Variants in PRPSAP2 observed in about 807,000 individuals in gnomAD.
PRPSAP2 encodes the protein phosphoribosyl pyrophosphate synthetase associated protein 2, also known as phosphoribosyl pyrophosphate synthase-associated protein 2.
PRPSAP2 carries 24 observed loss-of-function variants against 40.6 expected under a neutral mutation model. That is an observed-to-expected ratio of 0.59 (90% CI 0.43 to 0.83). The LOEUF is 0.83. PRPSAP2 is among the 40% of genes least tolerant of loss of function. The pLI, the probability that PRPSAP2 is intolerant of heterozygous loss-of-function variation, is 0.00. For missense variants in PRPSAP2, 292 were observed against 465.6 expected, an observed-to-expected ratio of 0.63 and a Z score of 3.43; for synonymous variants, 149 against 164.7, an observed-to-expected ratio of 0.90 and a Z score of 0.73.
chr17:18,900,164 C>T (rs2040179095), intron 8 of PRPSAP2, among the ~76,000 whole-genome samples: 1 of 151,820 alleles, frequency 6.6e-6, no homozygotes, highest in South Asian at 2.1e-4. Context: ...GGATTACAGG[C>T]GTGAGCCACC....
At chr17:18,903,453 G>A (rs2040404951) in intron 8 of PRPSAP2, among the ~76,000 whole-genome samples, 1 of 152,024 alleles carries the variant, frequency 6.6e-6, no homozygotes, top group Non-Finnish European at 1.5e-5. Flanking sequence ...TTGTGAGTGG[G>A]CTAGGCTCGA....
chr17:18,867,265 C>T lies in PRPSAP2; in HGVS notation c.120-17C>T. The T allele has an allele frequency of 6.2e-7, 1 of 1,613,310 alleles. No individual in the cohort carries two copies. The highest frequency in any genetic ancestry group is 8.5e-7 in the Non-Finnish European group (1 of 1,179,684). On this transcript the variant is annotated splice_polypyrimidine_tract_variant and intron_variant, in intron 3 of 11. Transcript: ENST00000268835. ...TTCTATTACTTTTTCAGCTTTTTCCCCCTTTCTCTTCTCTAGGCGGCTAGG... is the reference window on the plus strand; with the variant it reads ...TTCTATTACTTTTTCAGCTTTTTCCTCCTTTCTCTTCTCTAGGCGGCTAGG...
chr17:18,928,735 C>CT (rs528134793), intron 10 of PRPSAP2, 76 bp from the exon 11 acceptor site: 994 of 1,545,352 alleles, frequency 6.4e-4, no homozygotes, highest in East Asian at 9.3e-4. Flanking sequence ...TAGGCAGACC[C>CT]TTTTTTTTTC....
intron 8 of PRPSAP2, among the ~76,000 whole-genome samples, chr17:18,908,028 C>T (rs1292347592): frequency 1.3e-5 from 2 of 152,100 alleles, no homozygotes; most frequent in Non-Finnish European, 2.9e-5. Context: ...ATCCCAGCTA[C>T]TCGGGAGGCT....
chr17:18,894,288 T>G (rs2039771548), intron 8 of PRPSAP2, among the ~76,000 whole-genome samples: 1 of 151,780 alleles, frequency 6.6e-6, no homozygotes, highest in South Asian at 2.1e-4. Flanking sequence ...GTCTTCTGAC[T>G]AGCTGGGATT....
chr17:18,858,387 G>A (rs2036751078), intron 1 of PRPSAP2, 126 bp downstream of exon 1: 1 of 152,428 alleles, frequency 6.6e-6, no homozygotes, highest in Admixed American at 6.5e-5. Context: ...TCCCTGGGTG[G>A]TGGCTGCTTG....
chr17:18,873,558 A>C (rs2038058579), intron 5 of PRPSAP2, among the ~76,000 whole-genome samples: 1 of 152,168 alleles, frequency 6.6e-6, no homozygotes, highest in Non-Finnish European at 1.5e-5. Context: ...CTAACAATTA[A>C]CAGCCAGAAT....
chr17:18,867,156 T>G, intron 3 of PRPSAP2, 126 bp from the exon 4 acceptor site: 2 of 1,017,940 alleles, frequency 2.0e-6, no homozygotes, highest in Non-Finnish European at 2.9e-6. Flanking sequence ...ATGTTGACTT[T>G]AAATTTTATA....
chr17:18,896,793 T>G (rs1221409024), intron 8 of PRPSAP2, among the ~76,000 whole-genome samples: 1 of 152,120 alleles, frequency 6.6e-6, no homozygotes, highest in Non-Finnish European at 1.5e-5. Flanking sequence ...TACCTGAGAA[T>G]GGGCTTCTTG....
intron 8 of PRPSAP2, 111 bp from the exon 9 acceptor site, chr17:18,910,992 T>C (rs750378364): frequency 1.8e-5 from 23 of 1,276,954 alleles, no homozygotes; most frequent in Non-Finnish European, 2.4e-5. Context: ...TTTTCTTTAG[T>C]CCTTTGGGAG....
intron 8 of PRPSAP2, among the ~76,000 whole-genome samples, chr17:18,910,796 G>GC (rs1304969533): frequency 6.6e-6 from 1 of 152,182 alleles, no homozygotes; most frequent in East Asian, 1.9e-4. Context: ...GGTAGAATTA[G>GC]CAGCTTTAGG....
chr17:18,883,629 G>C (rs556319690), intron 7 of PRPSAP2, among the ~76,000 whole-genome samples: 3 of 152,068 alleles, frequency 2.0e-5, no homozygotes, highest in Admixed American at 6.5e-5. Flanking sequence ...CTCGTGATCT[G>C]CCTGCCTCGG....
chr17:18,927,297 T>C (rs1028961029), intron 10 of PRPSAP2, among the ~76,000 whole-genome samples: 1 of 152,170 alleles, frequency 6.6e-6, no homozygotes, highest in African/African-American at 2.4e-5. Context: ...TTCCAACACA[T>C]GAATTTTGGA....
Position 18,928,664 on chromosome 17 carries a change from GA to G in PRPSAP2, c.805-146del, listed in dbSNP as rs751461183. On this transcript the variant is annotated intron_variant, in intron 10 of 11. Transcript: ENST00000268835. ...GGCTGCCATGGGGCACGGTGATGGG[GA>G]CATGGGGCCATGCCGTCTGCACAAG... The G allele has an allele frequency of 2.1e-5, 21 of 990,120 alleles. No individual in the cohort carries two copies. The South Asian group carries it at 2.8e-4, about 13-fold the overall frequency. The allele number at this position is 990,120 out of a possible 1,614,324, so 61.3% of individuals were successfully genotyped here. A position where few individuals can be genotyped will look rare whatever the true frequency, so the allele number is the denominator to read the frequency against.
intron 8 of PRPSAP2, among the ~76,000 whole-genome samples, chr17:18,907,985 C>T (rs1207212643): frequency 6.6e-6 from 1 of 151,980 alleles, no homozygotes; most frequent in African/African-American, 2.4e-5. Context: ...ACAAAAAATA[C>T]AAAATTAGCC....
upstream of PRPSAP2, among the ~76,000 whole-genome samples, chr17:18,857,295 G>A (rs2036642945): frequency 6.6e-6 from 1 of 151,816 alleles, no homozygotes; most frequent in Non-Finnish European, 1.5e-5. Flanking sequence ...AGATCGCGCC[G>A]ATGCACTCTA....
chr17:18,923,060 T>C (rs1044056653), intron 9 of PRPSAP2, among the ~76,000 whole-genome samples: 11 of 151,414 alleles, frequency 7.3e-5, no homozygotes, highest in African/African-American at 2.4e-4. Context: ...GGGTTTTTTT[T>C]ACTTTTTTAT....
intron 3 of PRPSAP2, among the ~76,000 whole-genome samples, chr17:18,866,585 A>T (rs1234503654): frequency 6.6e-6 from 1 of 152,206 alleles, no homozygotes; most frequent in Non-Finnish European, 1.5e-5. Context: ...CATGTATATT[A>T]TATGAAATAA....
At chr17:18,862,700 G>C (rs564639162) in intron 1 of PRPSAP2, among the ~76,000 whole-genome samples, 67 of 152,248 alleles carry the variant, frequency 4.4e-4, no homozygotes, top group African/African-American at 1.6e-3. Flanking sequence ...AGTATTTCAA[G>C]ATGCAAACAT....
Sources: allele counts gnomAD v4.1 joint callset (sites outside exome capture counted in the v4.1 genomes callset), GRCh38; gene constraint gnomAD v4.1.1; transcripts MANE v1.5; gene names NCBI Gene and HGNC (gene_info 2026-07-23, HGNC 2026-07-21).